SNX8: variants seen among roughly 807,000 people sequenced by gnomAD.
SNX8 encodes sorting nexin-8.
Under a neutral mutation model 51.6 loss-of-function variants are expected in SNX8, and 25 were observed. The observed-to-expected ratio is 0.48, with a 90% CI of 0.35 to 0.68. SNX8 has a LOEUF of 0.68. Among genes scored for constraint, SNX8 ranks in the 30% least tolerant of loss-of-function variants. The pLI is 0.00. For synonymous variants in SNX8, 324 were observed against 277.0 expected, an observed-to-expected ratio of 1.17 and a Z score of -1.68; for missense variants, 695 against 624.0, an observed-to-expected ratio of 1.11 and a Z score of -1.21.
intron 1 of SNX8, among the ~76,000 whole-genome samples, chr7:2,304,461 G>C (rs946457206): frequency 1.3e-4 from 19 of 147,736 alleles, no homozygotes; most frequent in Non-Finnish European, 4.5e-5. Flanking sequence ...GGAGAATGGC[G>C]TGAACCCGGG....
At chr7:2,300,537 C>G (rs1796367559) in intron 1 of SNX8, among the ~76,000 whole-genome samples, 1 of 152,120 alleles carries the variant, frequency 6.6e-6, no homozygotes, top group Admixed American at 6.6e-5. Context: ...CTCAGCCTCC[C>G]AAGTAACCGG....
intron 1 of SNX8, among the ~76,000 whole-genome samples, chr7:2,294,057 T>C (rs1374460687): frequency 6.7e-6 from 1 of 149,548 alleles, no homozygotes; most frequent in African/African-American, 2.5e-5. Context: ...AGGTCAGGAG[T>C]TCGAGACCAG....
chr7:2,271,978 G>A lies in SNX8; in HGVS notation c.419-7C>T. On this transcript the variant is annotated splice_region_variant and splice_polypyrimidine_tract_variant and intron_variant, in intron 3 of 10. Transcript: ENST00000222990. The stretch of plus-strand genomic sequence containing the variant: ...TCGATGAACTCCCTGTCAGCTGGAG[G>A]AGCACACGGGGTCACTGGACAGAGT... 1 of 1,613,926 alleles carries A rather than the reference G, an allele frequency of 6.2e-7. No individual in the cohort carries two copies. The highest frequency in any genetic ancestry group is 1.3e-5 in the African/African-American group (1 of 75,056).
At chr7:2,339,720 G>C (rs979460255) in intron 1 of SNX8, among the ~76,000 whole-genome samples, 1 of 151,974 alleles carries the variant, frequency 6.6e-6, no homozygotes, top group African/African-American at 2.4e-5. Flanking sequence ...GAAGAAGAAA[G>C]ATAAGGAGAA....
intron 1 of SNX8, among the ~76,000 whole-genome samples, chr7:2,290,362 G>A (rs1796124806): frequency 6.6e-6 from 1 of 151,930 alleles, no homozygotes; most frequent in Non-Finnish European, 1.5e-5. Context: ...AAATTAGCCA[G>A]GCACGGTGAT....
intron 6 of SNX8, among the ~76,000 whole-genome samples, chr7:2,263,699 C>G (rs1795393024): frequency 6.6e-6 from 1 of 152,022 alleles, no homozygotes; most frequent in African/African-American, 2.4e-5. Flanking sequence ...ATGGTCTGTT[C>G]TTCCCCAAGT....
chr7:2,288,964 G>A (rs1181246429), intron 1 of SNX8, among the ~76,000 whole-genome samples: 2 of 152,092 alleles, frequency 1.3e-5, no homozygotes, highest in Non-Finnish European at 1.5e-5. Context: ...CTCCAACTCC[G>A]AGTCTCAAGC....
At chr7:2,284,939 G>C (rs1216024586) in intron 1 of SNX8, among the ~76,000 whole-genome samples, 1 of 151,786 alleles carries the variant, frequency 6.6e-6, no homozygotes, top group Non-Finnish European at 1.5e-5. Context: ...TGGCTGGGCG[G>C]AGTGCCTCAC....
chr7:2,335,139 T>G (rs1778803318), intron 1 of SNX8, among the ~76,000 whole-genome samples: 1 of 151,528 alleles, frequency 6.6e-6, no homozygotes, highest in Admixed American at 6.6e-5. Flanking sequence ...GAGTTTGCAG[T>G]GAGCTGAGAT....
At chr7:2,305,448 CTGCCTCCT>C (rs1287613373) in intron 1 of SNX8, among the ~76,000 whole-genome samples, 1 of 152,158 alleles carries the variant, frequency 6.6e-6, no homozygotes, top group Admixed American at 6.5e-5. Flanking sequence ...ACTGCAACCT[CTGCCTCCT>C]GGGTTCAAGT....
At chr7:2,309,603 T>G (rs934926276) in intron 1 of SNX8, among the ~76,000 whole-genome samples, 1 of 151,898 alleles carries the variant, frequency 6.6e-6, no homozygotes, top group Non-Finnish European at 1.5e-5. Flanking sequence ...TGGTGACGCA[T>G]GCCTGTAATC....
chr7:2,258,238 G>C (rs938254707), intron 7 of SNX8, among the ~76,000 whole-genome samples: 79 of 152,144 alleles, frequency 5.2e-4, no homozygotes, highest in Admixed American at 5.0e-3. Flanking sequence ...GGATGGTCTT[G>C]ATCTCCAGAC....
chr7:2,271,504 TAGTC>T (rs375690656), intron 4 of SNX8, among the ~76,000 whole-genome samples: 214 of 152,314 alleles, frequency 1.4e-3, no homozygotes, highest in Non-Finnish European at 2.1e-3. Context: ...CAGTGGTCCT[TAGTC>T]AGACAGGGCC....
At chr7:2,320,667 T>C (rs913407031) in intron 1 of SNX8, among the ~76,000 whole-genome samples, 2 of 152,134 alleles carry the variant, frequency 1.3e-5, no homozygotes, top group African/African-American at 4.8e-5. Flanking sequence ...GAGGCTGCAG[T>C]GAGCCATGAT....
At chr7:2,292,507 G>A (rs548300002) in intron 1 of SNX8, among the ~76,000 whole-genome samples, 1 of 151,624 alleles carries the variant, frequency 6.6e-6, no homozygotes, top group South Asian at 2.1e-4. Flanking sequence ...CGCCTCCCAG[G>A]TTCACGCCAT....
chr7:2,338,779 C>T (rs1322753657), intron 1 of SNX8, among the ~76,000 whole-genome samples: 1 of 152,096 alleles, frequency 6.6e-6, no homozygotes, highest in East Asian at 1.9e-4. Flanking sequence ...GAGCAAAATA[C>T]TGGCAGGGTG....
upstream of SNX8, among the ~76,000 whole-genome samples, chr7:2,316,358 C>A (rs1303142931): frequency 1.3e-5 from 2 of 148,794 alleles, no homozygotes; most frequent in Non-Finnish European, 3.0e-5. Flanking sequence ...TTCATTCATT[C>A]ACTCACTCAC....
At chr7:2,296,478 G>C (rs1279203078) in intron 1 of SNX8, among the ~76,000 whole-genome samples, 1 of 151,970 alleles carries the variant, frequency 6.6e-6, no homozygotes, top group Non-Finnish European at 1.5e-5. Flanking sequence ...GAGTCTTCTA[G>C]AGGAGTCTTG....
chr7:2,253,884 G>C lies in SNX8; in HGVS notation c.*1172C>G, dbSNP rs1196752180. The C allele has an allele frequency of 6.6e-6, 1 of 152,242 alleles. No individual in the cohort carries two copies. The highest frequency in any genetic ancestry group is 1.5e-5 in the Non-Finnish European group (1 of 68,118). 9.4% of individuals were successfully genotyped at this position (152,242 alleles called of 1,614,324 possible). A position where few individuals can be genotyped will look rare whatever the true frequency, so the allele number is the denominator to read the frequency against. On this transcript the variant is annotated 3_prime_UTR_variant, in exon 11 of 11. Coordinates refer to ENST00000222990, the MANE Select transcript of SNX8 (RefSeq NM_013321.4). ...GAGCGGAGGGACCTCGGAAACCCTG[G>C]AGCCCGGCGGGCCTCTTCCAGCACC...
Sources: gnomAD v4.1 joint callset for allele counts (sites outside exome capture counted in the v4.1 genomes callset) on GRCh38, gnomAD v4.1.1 for gene constraint, MANE v1.5 for transcripts, NCBI Gene and HGNC (gene_info 2026-07-23, HGNC 2026-07-21) for gene names.